The following HS6ST3 variants were observed in gnomAD, a reference collection of about 807,000 sequenced individuals.
HS6ST3 encodes heparan sulfate 6-O-sulfotransferase 3.
Under a neutral mutation model 36.7 loss-of-function variants are expected in HS6ST3, and 12 were observed. The observed-to-expected ratio is 0.33, with a 90% confidence interval of 0.21 to 0.53. The LOEUF is 0.53. Among genes scored for constraint, HS6ST3 ranks in the 20% least tolerant of loss-of-function variants. The pLI is 0.95. For missense variants in HS6ST3, 584 were observed against 640.9 expected, an observed-to-expected ratio of 0.91 and a Z score of 0.96; for synonymous variants, 240 against 257.5, an observed-to-expected ratio of 0.93 and a Z score of 0.65.
intron 1 of HS6ST3, among the ~76,000 whole-genome samples, chr13:96,345,965 C>T (rs1279625107): frequency 2.0e-5 from 3 of 152,196 alleles, no homozygotes; most frequent in African/African-American, 7.2e-5. Flanking sequence ...GACAAGCTTG[C>T]ATTAGATTCT....
At chr13:96,779,398 A>G (rs577099288) in intron 1 of HS6ST3, among the ~76,000 whole-genome samples, 105 of 152,080 alleles carry the variant, frequency 6.9e-4, no homozygotes, top group Non-Finnish European at 1.3e-3. Flanking sequence ...AATTTGTCCT[A>G]TGGGAATGGG....
At chr13:96,183,700 A>C (rs1335814793) in intron 1 of HS6ST3, among the ~76,000 whole-genome samples, 1 of 152,180 alleles carries the variant, frequency 6.6e-6, no homozygotes, top group Non-Finnish European at 1.5e-5. Context: ...GAATGATTCC[A>C]CTTGTATGAG....
intron 1 of HS6ST3, among the ~76,000 whole-genome samples, chr13:96,670,430 G>T (rs556887660): frequency 2.6e-5 from 4 of 152,238 alleles, no homozygotes; most frequent in Admixed American, 2.0e-4. Context: ...GAGCAGAGGG[G>T]ATCGTGAGAT....
At chr13:96,455,037 T>C (rs917612742) in intron 1 of HS6ST3, among the ~76,000 whole-genome samples, 2 of 152,154 alleles carry the variant, frequency 1.3e-5, no homozygotes, top group African/African-American at 4.8e-5. Flanking sequence ...TCAGCTTCTA[T>C]ATTTTTGTCT....
At chr13:96,811,285 A>G (rs1878311946) in intron 1 of HS6ST3, among the ~76,000 whole-genome samples, 1 of 152,170 alleles carries the variant, frequency 6.6e-6, no homozygotes, top group South Asian at 2.1e-4. Flanking sequence ...AGGACCAGGA[A>G]GAAATGGTCC....
At chr13:96,484,278 C>CTCCTTCCTTCCTTCCTCCT (rs1262069887) in intron 1 of HS6ST3, among the ~76,000 whole-genome samples, 1 of 151,720 alleles carries the variant, frequency 6.6e-6, no homozygotes, top group Non-Finnish European at 1.5e-5. Flanking sequence ...TCACCTTACT[C>CTCCTTCCTTCCTTCCTCCT]TCCTTCCTTC....
chr13:96,330,180 A>G (rs2055057768), intron 1 of HS6ST3, among the ~76,000 whole-genome samples: 1 of 145,056 alleles, frequency 6.9e-6, no homozygotes, highest in Non-Finnish European at 1.5e-5. Flanking sequence ...TAGTCCATTT[A>G]CATTTAAAGT....
chr13:96,813,633 C>T (rs953404469), intron 1 of HS6ST3, among the ~76,000 whole-genome samples: 6 of 152,234 alleles, frequency 3.9e-5, no homozygotes, highest in African/African-American at 1.4e-4. Flanking sequence ...CCAGCGTCTA[C>T]TGGCCTTATC....
At chr13:96,571,335 A>G (rs2056300338) in intron 1 of HS6ST3, among the ~76,000 whole-genome samples, 1 of 152,200 alleles carries the variant, frequency 6.6e-6, no homozygotes, top group Admixed American at 6.5e-5. Flanking sequence ...GAAAGGGCAA[A>G]AGGCTACATT....
At position 96,245,762 on chromosome 13, in the gene HS6ST3, T is replaced by C. The variant is rs186376680; in HGVS notation, c.707+154193T>C. Among the ~76,000 whole-genome samples, 4 of 152,278 alleles carry C rather than the reference T, an allele frequency of 2.6e-5. No homozygotes were observed. The East Asian group carries it at 7.7e-4, about 29-fold the overall frequency. On this transcript the variant is annotated intron_variant, in intron 1 of 1. Transcript: ENST00000376705. ...CTAAGAGGCAGCATATTTTTTCCCA[T>C]GAAATCTACTGCTCATGCTAGGTTT...
intron 1 of HS6ST3, among the ~76,000 whole-genome samples, chr13:96,721,340 G>T (rs79812422): frequency 6.6e-6 from 1 of 152,254 alleles, no homozygotes; most frequent in Non-Finnish European, 1.5e-5. Flanking sequence ...TTTACCACAG[G>T]TACAGTGTTG....
At chr13:96,624,702 G>C (rs532506153) in intron 1 of HS6ST3, among the ~76,000 whole-genome samples, 1 of 152,120 alleles carries the variant, frequency 6.6e-6, no homozygotes, top group African/African-American at 2.4e-5. Flanking sequence ...GTGGTATTTG[G>C]TTTTCTGTTT....
chr13:96,596,539 C>T (rs548832369), intron 1 of HS6ST3, among the ~76,000 whole-genome samples: 10 of 152,212 alleles, frequency 6.6e-5, no homozygotes, highest in East Asian at 5.8e-4. Context: ...AATCTTCATA[C>T]CGGTTTCCAT....
chr13:96,335,447 C>T (rs1284328875), intron 1 of HS6ST3, among the ~76,000 whole-genome samples: 1 of 152,150 alleles, frequency 6.6e-6, no homozygotes, highest in Non-Finnish European at 1.5e-5. Context: ...TGGCTTTGCC[C>T]ACGGAGCAGC....
intron 1 of HS6ST3, among the ~76,000 whole-genome samples, chr13:96,729,952 C>T (rs1876105057): frequency 6.6e-6 from 1 of 152,214 alleles, no homozygotes; most frequent in Non-Finnish European, 1.5e-5. Context: ...TGACTTCTCT[C>T]ACCTCTGAGA....
At chr13:96,524,900 C>T (rs2056107807) in intron 1 of HS6ST3, among the ~76,000 whole-genome samples, 1 of 152,188 alleles carries the variant, frequency 6.6e-6, no homozygotes, top group Non-Finnish European at 1.5e-5. Context: ...GAACCAGGTA[C>T]CTTAGATGGA....
rs150963908 is a variant in HS6ST3, at chr13:96,506,020, C to T, written c.708-326470C>T. Among the ~76,000 whole-genome samples the T allele has an allele frequency of 3.0e-3, 460 of 152,202 alleles. 2 individuals are homozygous for T. The highest frequency in any genetic ancestry group is 0.01 in the African/African-American group (422 of 41,552). ...ATCGATACTTCTGTTTCTTTACCTT[C>T]TATGCCATTGTATGACCTTGAGGAA... On this transcript the variant is annotated intron_variant, in intron 1 of 1. Coordinates refer to ENST00000376705, the MANE Select transcript of HS6ST3 (RefSeq NM_153456.4).
chr13:96,622,742 T>C (rs569338225), intron 1 of HS6ST3, among the ~76,000 whole-genome samples: 2 of 152,236 alleles, frequency 1.3e-5, no homozygotes, highest in Non-Finnish European at 2.9e-5. Flanking sequence ...TTCATCCTAA[T>C]GCTATTCTTT....
rs141432230 is a variant in HS6ST3 at position 96,832,903 on chromosome 13, C to T, written c.1121C>T (p.Ser374Phe). Residue 374 changes from serine to phenylalanine, a missense_variant, in exon 2 of 2, where the codon TCC (serine) becomes TTC (phenylalanine). Ser to Phe is a radical substitution (Grantham distance 155). Coordinates refer to ENST00000376705, the MANE Select transcript of HS6ST3 (RefSeq NM_153456.4). ...AGAACATTCAACCTCAAGTTCATCT[C>T]CCCCTTCACACAGTTCAACATCACG... ...FERTFNLKFI[S>F]PFTQFNITRA... 2 of 1,614,162 alleles carry T rather than the reference C, an allele frequency of 1.2e-6. No individual in the cohort carries two copies. The highest frequency in any genetic ancestry group is 1.7e-6 in the Non-Finnish European group (2 of 1,180,022).
Sources: allele counts gnomAD v4.1 joint callset (sites outside exome capture counted in the v4.1 genomes callset), GRCh38; gene constraint gnomAD v4.1.1; transcripts MANE v1.5; gene names NCBI Gene and HGNC (gene_info 2026-07-23, HGNC 2026-07-21).